STX18: variants seen among roughly 807,000 people sequenced by gnomAD.
The protein encoded by STX18 is syntaxin-18.
A neutral mutation model predicts 50.1 loss-of-function variants in STX18; 40 were observed. That is an observed-to-expected ratio of 0.80 (90% CI 0.62 to 1.04). The LOEUF is 1.04. STX18 is among the 50% of genes least tolerant of loss of function. STX18 has a pLI of 0.00. For missense variants in STX18, 410 were observed against 415.8 expected, an observed-to-expected ratio of 0.99 and a Z score of 0.12; for synonymous variants, 158 against 151.8, an observed-to-expected ratio of 1.04 and a Z score of -0.30.
intron 1 of STX18, among the ~76,000 whole-genome samples, chr4:4,529,110 T>A (rs1289709704): frequency 1.3e-5 from 2 of 152,174 alleles, no homozygotes; most frequent in Non-Finnish European, 2.9e-5. Flanking sequence ...ACACCTGTAA[T>A]CCCAGCACTT....
intron 2 of STX18, among the ~76,000 whole-genome samples, chr4:4,461,020 T>G (rs1313936276): frequency 6.6e-6 from 1 of 152,158 alleles, no homozygotes; most frequent in Non-Finnish European, 1.5e-5. Flanking sequence ...AGGTACCAAC[T>G]CAGTGAATAT....
intron 1 of STX18, chr4:4,507,676 CA>C (rs1328897787): frequency 4.8e-6 from 4 of 830,634 alleles, no homozygotes; most frequent in Non-Finnish European, 8.4e-6. Flanking sequence ...TTCGTTTGGA[CA>C]AAGCCCAGCA....
At chr4:4,458,619 T>C (rs1444243904) in intron 3 of STX18, among the ~76,000 whole-genome samples, 1 of 152,220 alleles carries the variant, frequency 6.6e-6, no homozygotes, top group East Asian at 1.9e-4. Flanking sequence ...GAGGCGTGAC[T>C]TGGGAAGCCA....
At chr4:4,443,230 T>A (rs1726214805) in intron 5 of STX18, among the ~76,000 whole-genome samples, 1 of 152,254 alleles carries the variant, frequency 6.6e-6, no homozygotes, top group Non-Finnish European at 1.5e-5. Flanking sequence ...AGCAATTTCG[T>A]AATTCAATTT....
At chr4:4,443,517 C>A (rs188891827) in intron 5 of STX18, among the ~76,000 whole-genome samples, 2 of 152,176 alleles carry the variant, frequency 1.3e-5, no homozygotes. Context: ...ATCTGAACAA[C>A]AGAGGAAGAG....
At chr4:4,461,975 T>C (rs1383740978) in intron 2 of STX18, 2 of 456,228 alleles carry the variant, frequency 4.4e-6, no homozygotes, top group Non-Finnish European at 8.8e-6. Context: ...CCCTGCTGTC[T>C]GTGCTCCAGG....
At chr4:4,470,296 C>T (rs1416982265) in intron 2 of STX18, among the ~76,000 whole-genome samples, 3 of 152,020 alleles carry the variant, frequency 2.0e-5, no homozygotes, top group Admixed American at 6.6e-5. Context: ...CCACTAAATG[C>T]GCAATACTCC....
chr4:4,521,974 T>C (rs910272360), intron 1 of STX18, among the ~76,000 whole-genome samples: 3 of 152,182 alleles, frequency 2.0e-5, no homozygotes, highest in Non-Finnish European at 4.4e-5. Flanking sequence ...GGCTCACAAT[T>C]GCAAGCTCCA....
At chr4:4,491,450 C>T (rs1191176480) in intron 1 of STX18, among the ~76,000 whole-genome samples, 11 of 151,898 alleles carry the variant, frequency 7.2e-5, no homozygotes, top group Admixed American at 5.9e-4. Flanking sequence ...TTACTGAAAA[C>T]GTTGAGGGTT....
chr4:4,425,340 A>C, intron 7 of STX18, 118 bp from the exon 8 acceptor site: 1 of 889,336 alleles, frequency 1.1e-6, no homozygotes. Flanking sequence ...CAGCTGCGGC[A>C]ACGTGGCAGC....
chr4:4,495,976 A>G (rs1240658756), intron 1 of STX18, among the ~76,000 whole-genome samples: 1 of 152,214 alleles, frequency 6.6e-6, no homozygotes, highest in Non-Finnish European at 1.5e-5. Flanking sequence ...ATTATCGGAT[A>G]ACGCAATTTT....
intron 7 of STX18, among the ~76,000 whole-genome samples, chr4:4,431,269 A>G (rs1725505007): frequency 6.6e-6 from 1 of 152,370 alleles, no homozygotes; most frequent in East Asian, 1.9e-4. Flanking sequence ...ACAGAGCTGT[A>G]CACATTTTTT....
At chr4:4,539,248 A>G (rs1253188022) in intron 1 of STX18, among the ~76,000 whole-genome samples, 2 of 152,236 alleles carry the variant, frequency 1.3e-5, no homozygotes, top group Non-Finnish European at 2.9e-5. Flanking sequence ...ACTTACCAAA[A>G]GGCATACTAT....
At chr4:4,430,571 C>T (rs1725467321) in intron 7 of STX18, among the ~76,000 whole-genome samples, 1 of 152,198 alleles carries the variant, frequency 6.6e-6, no homozygotes, top group Non-Finnish European at 1.5e-5. Context: ...CTAGAGCTAC[C>T]AGTGTTACTG....
At position 4,449,042 on chromosome 4, in the gene STX18, C is replaced by CTT. The variant is rs34106688; in HGVS notation, c.497+8147_497+8148dup. On this transcript the variant is annotated intron_variant, in intron 5 of 10. Transcript: ENST00000306200. Reference sequence around the variant, plus strand: ...TTCCATTTCTCCCTTGGACCCCATTCTTTTTTTTTTTTTTTTTTTTTTGAG... The same window carrying CTT: ...TTCCATTTCTCCCTTGGACCCCATTCTTTTTTTTTTTTTTTTTTTTTTTTGAG... Among the ~76,000 whole-genome samples the CTT allele has an allele frequency of 6.7e-3, 743 of 110,096 alleles. 7 individuals carry two copies. The highest frequency in any genetic ancestry group is 0.014 in the African/African-American group (401 of 27,982). 72.2% of individuals were successfully genotyped at this position (110,096 alleles called of 152,430 possible).
At chr4:4,439,010 T>C (rs1276200615) in intron 5 of STX18, among the ~76,000 whole-genome samples, 2 of 142,686 alleles carry the variant, frequency 1.4e-5, no homozygotes, top group African/African-American at 5.3e-5. Context: ...CACACACACA[T>C]ATATACCACA....
At position 4,438,512 on chromosome 4, in the gene STX18, A is replaced by C. The variant is rs1725913720; in HGVS notation, c.498-3T>G. The C allele has an allele frequency of 6.3e-7, 1 of 1,593,412 alleles. No individual in the cohort carries two copies. Among genetic ancestry groups the C allele is most frequent in the Non-Finnish European group, 8.6e-7 (1 of 1,167,204 alleles). ...TTGGTTCTGGTTCCAGCTTAGATCT[A>C]AAAATAAATAATTAGCAGGCAGGTA... On this transcript the variant is annotated splice_polypyrimidine_tract_variant and splice_region_variant and intron_variant, in intron 5 of 10. Coordinates refer to ENST00000306200, the MANE Select transcript of STX18 (RefSeq NM_016930.4).
rs144483232 is a variant in STX18, at chr4:4,458,945, C to T, written c.352+427G>A. 2.3e-3 allele frequency among the ~76,000 whole-genome samples: 346 copies of T among 152,114 alleles called. 3 individuals carry two copies. The highest frequency in any genetic ancestry group is 7.1e-3 in the African/African-American group (295 of 41,472). ...GAATATTACAAGTAGAGCTTAAGTA[C>T]CCCAGGCTGCTGTCAACTCCCATCC... On this transcript the variant is annotated intron_variant, in intron 3 of 10. Transcript: ENST00000306200.
In STX18 at chr4:4,523,554, C is replaced by T. The variant is rs1307991136; in HGVS notation, c.168+18243G>A. 2.0e-5 allele frequency among the ~76,000 whole-genome samples: 3 copies of T among 152,256 alleles called. No homozygotes were observed. The East Asian group carries it at 5.8e-4, about 29-fold the overall frequency. ...AACTACCTACCTATCACAATGAAAA[C>T]CTCAAAGTCATCTATAACCACTGAT... is the stretch of plus-strand genomic sequence containing the variant. On this transcript the variant is annotated intron_variant, in intron 1 of 10. Transcript: ENST00000306200.
Sources: gnomAD v4.1 joint callset for allele counts (sites outside exome capture counted in the v4.1 genomes callset) on GRCh38, gnomAD v4.1.1 for gene constraint, MANE v1.5 for transcripts, NCBI Gene and HGNC (gene_info 2026-07-23, HGNC 2026-07-21) for gene names.